MACROD2: variants seen among roughly 807,000 people sequenced by gnomAD.
The protein encoded by MACROD2 is ADP-ribose glycohydrolase MACROD2.
A neutral mutation model predicts 70.4 loss-of-function variants in MACROD2; 36 were observed. That is an observed-to-expected ratio of 0.51 (90% confidence interval 0.39 to 0.68). MACROD2 has a LOEUF of 0.68. Among genes scored for constraint, MACROD2 ranks in the 30% least tolerant of loss-of-function variants. MACROD2 has a pLI of 0.00. For synonymous variants in MACROD2, 172 were observed against 178.8 expected (o/e 0.96, Z 0.30); for missense variants, 496 against 538.4 (o/e 0.92, Z 0.78).
intron 4 of MACROD2, among the ~76,000 whole-genome samples, chr20:14,519,371 C>T (rs1436924667): frequency 2.0e-5 from 3 of 151,958 alleles, no homozygotes; most frequent in Non-Finnish European, 2.9e-5. Context: ...TTTTTAGAAC[C>T]TAGAACACCA....
Position 14,194,201 on chromosome 20 carries a change from G to A in MACROD2, c.271+108473G>A, listed in dbSNP as rs1284337267. ...TGAAGACATGGATCTCAGAAGGTCT[G>A]TGGGTGGGTAAGTGGCTTATGACGG... On this transcript the variant is annotated intron_variant, in intron 3 of 17. Coordinates refer to ENST00000684519, the MANE Select transcript of MACROD2 (RefSeq NM_001351661.2). 2.0e-5 allele frequency among the ~76,000 whole-genome samples: 3 copies of A among 152,174 alleles called. No homozygotes were observed. In the East Asian group the frequency reaches 5.8e-4, roughly 29 times the overall value.
intron 7 of MACROD2, among the ~76,000 whole-genome samples, chr20:15,489,256 A>G (rs2047198368): frequency 6.6e-6 from 1 of 152,156 alleles, no homozygotes; most frequent in Non-Finnish European, 1.5e-5. Flanking sequence ...TGAGGATGAG[A>G]AGAAGTACAG....
intron 6 of MACROD2, among the ~76,000 whole-genome samples, chr20:15,428,350 A>G (rs929403700): frequency 2.6e-5 from 4 of 152,326 alleles, no homozygotes; most frequent in Admixed American, 1.3e-4. Flanking sequence ...AGTTCAGAAC[A>G]TACAACCCAA....
intron 5 of MACROD2, among the ~76,000 whole-genome samples, chr20:15,186,823 A>G (rs1404554392): frequency 6.6e-6 from 1 of 150,520 alleles, no homozygotes; most frequent in African/African-American, 2.4e-5. Flanking sequence ...CCACTTGCGG[A>G]TATCTTAGAA....
At chr20:15,984,516 A>G (rs754814652) in intron 13 of MACROD2, among the ~76,000 whole-genome samples, 5 of 152,068 alleles carry the variant, frequency 3.3e-5, no homozygotes, top group Non-Finnish European at 5.9e-5. Context: ...TTTGCAGACA[A>G]TTTTTCAACA....
At chr20:14,622,073 ATAAT>A (rs2123454471) in intron 4 of MACROD2, 1 of 152,326 alleles carries the variant, frequency 6.6e-6, no homozygotes, top group African/African-American at 2.4e-5. Flanking sequence ...ATACAATGAA[ATAAT>A]TAAATTGTAT....
At chr20:15,672,611 A>G (rs2049996431) in intron 8 of MACROD2, among the ~76,000 whole-genome samples, 1 of 152,136 alleles carries the variant, frequency 6.6e-6, no homozygotes, top group Non-Finnish European at 1.5e-5. Flanking sequence ...GCCAATTCAC[A>G]CGACATATTC....
chr20:15,499,831 C>T lies in MACROD2; in HGVS notation c.629C>T (p.Ala210Val), dbSNP rs775050586. 1.9e-6 allele frequency: 3 copies of T among 1,613,464 alleles called. No individual in the cohort carries two copies. Among genetic ancestry groups the T allele is most frequent in the African/African-American group, 1.3e-5 (1 of 74,982 alleles). The change falls in exon 8 of 18, where the codon GCC (alanine) becomes GTC (valine). Residue 210 changes from alanine (A) to valine (V), a missense_variant. Transcript: ENST00000684519. ...CTCAACACCATTAAGGAATGGCTTG[C>T]CAAGAATCACCATGAGGTAGGAGGA... The part of the protein sequence containing the change: ...IALNTIKEWL[A>V]KNHHEVDRII...
rs1414507807 is a variant in MACROD2, at chr20:15,209,699, C to T, written c.419-20241C>T. Among the ~76,000 whole-genome samples, 3 of 152,132 alleles carry T rather than the reference C, an allele frequency of 2.0e-5. No individual in the cohort carries two copies. In the South Asian group the frequency reaches 6.2e-4, roughly 32 times the overall value. On this transcript the variant is annotated intron_variant, in intron 5 of 17. Coordinates refer to ENST00000684519, the MANE Select transcript of MACROD2 (RefSeq NM_001351661.2). Reference sequence around the variant, plus strand: ...ACATCACAGAGGTAGCTGTTCCTGGCCTGTTCATGCTTGTGGCTGACAGTA... The same window carrying T: ...ACATCACAGAGGTAGCTGTTCCTGGTCTGTTCATGCTTGTGGCTGACAGTA...
intron 4 of MACROD2, among the ~76,000 whole-genome samples, chr20:14,641,712 C>CT (rs935774135): frequency 6.6e-6 from 1 of 152,114 alleles, no homozygotes; most frequent in Admixed American, 6.6e-5. Flanking sequence ...TGAAAAAAAT[C>CT]TTTTTTTCTG....
chr20:15,896,754 A>G (rs1195878259), intron 10 of MACROD2, among the ~76,000 whole-genome samples: 2 of 152,178 alleles, frequency 1.3e-5, no homozygotes, highest in African/African-American at 2.4e-5. Flanking sequence ...TATGCTGTGT[A>G]CTTTTGAATA....
intron 3 of MACROD2, among the ~76,000 whole-genome samples, chr20:14,418,011 T>C (rs2083830750): frequency 6.6e-6 from 1 of 152,190 alleles, no homozygotes; most frequent in South Asian, 2.1e-4. Flanking sequence ...CTAATCTTTT[T>C]TTCTGTCAGC....
intron 3 of MACROD2, among the ~76,000 whole-genome samples, chr20:14,408,653 G>A (rs1386230907): frequency 6.6e-6 from 1 of 152,112 alleles, no homozygotes; most frequent in Non-Finnish European, 1.5e-5. Context: ...AAGCCAAGTG[G>A]GTAGCGCCCA....
rs150210305 is a variant in MACROD2, at chr20:15,191,931, T to TATATATAG, written c.419-38008_419-38007insTATATAGA. On this transcript the variant is annotated intron_variant, in intron 5 of 17. Transcript: ENST00000684519. ...ACACATATGTGTATATATATATATATAGAGAGAGAGAGAGTTAATACATAT... is the reference window on the plus strand; with the variant it reads ...ACACATATGTGTATATATATATATATATATATAGAGAGAGAGAGAGAGTTAATACATAT... 7.0e-4 allele frequency among the ~76,000 whole-genome samples: 99 copies of TATATATAG among 142,368 alleles called. 2 individuals are homozygous for TATATATAG. Among genetic ancestry groups the TATATATAG allele is most frequent in the South Asian group, 3.2e-3 (14 of 4,386 alleles). 93.4% of individuals were successfully genotyped at this position (142,368 alleles called of 152,430 possible).
chr20:15,344,050 C>T (rs138397229), intron 6 of MACROD2, among the ~76,000 whole-genome samples: 35 of 152,238 alleles, frequency 2.3e-4, no homozygotes, highest in Non-Finnish European at 4.4e-4. Context: ...AATTTTCAGT[C>T]GTTGAGGTAT....
At chr20:15,836,314 C>T (rs1034085768) in intron 8 of MACROD2, among the ~76,000 whole-genome samples, 4 of 152,104 alleles carry the variant, frequency 2.6e-5, no homozygotes, top group African/African-American at 9.7e-5. Context: ...GCAACAAACC[C>T]CTTATGACTG....
At chr20:14,784,644 G>C (rs1302699744) in intron 5 of MACROD2, among the ~76,000 whole-genome samples, 1 of 119,032 alleles carries the variant, frequency 8.4e-6, no homozygotes, top group Non-Finnish European at 1.7e-5. Context: ...TCCAAATTAG[G>C]TCAGAAAAGG....
chr20:14,515,059 CTG>C (rs929068967), intron 4 of MACROD2, among the ~76,000 whole-genome samples: 4 of 151,948 alleles, frequency 2.6e-5, no homozygotes, highest in African/African-American at 9.7e-5. Flanking sequence ...CTCAAGAAGA[CTG>C]AAGAAAATCG....
At chr20:14,075,622 C>T (rs1336464256) in intron 2 of MACROD2, among the ~76,000 whole-genome samples, 1 of 152,164 alleles carries the variant, frequency 6.6e-6, no homozygotes, top group Non-Finnish European at 1.5e-5. Flanking sequence ...TTTGATTTCC[C>T]CTTTAATTCT....
Sources: gnomAD v4.1 joint callset for allele counts (sites outside exome capture counted in the v4.1 genomes callset) on GRCh38, gnomAD v4.1.1 for gene constraint, MANE v1.5 for transcripts, NCBI Gene and HGNC (gene_info 2026-07-23, HGNC 2026-07-21) for gene names.